Variants in PGS1 observed in about 807,000 individuals in gnomAD.
The protein encoded by PGS1 is phosphatidylglycerophosphate synthase 1.
In PGS1, 44 loss-of-function variants were observed where a neutral mutation model predicts 58.3. That is an observed-to-expected ratio of 0.75 (90% CI 0.59 to 0.97). The LOEUF is 0.97. Among genes scored for constraint, PGS1 ranks in the 50% least tolerant of loss-of-function variants. PGS1 has a pLI of 0.00. For missense variants in PGS1, 684 were observed against 731.1 expected, an observed-to-expected ratio of 0.94 and a Z score of 0.74; for synonymous variants, 330 against 311.0, an observed-to-expected ratio of 1.06 and a Z score of -0.64.
intron 6 of PGS1, among the ~76,000 whole-genome samples, chr17:78,402,835 G>C (rs1389972192): frequency 6.6e-6 from 1 of 152,084 alleles, no homozygotes; most frequent in East Asian, 1.9e-4. Flanking sequence ...TCCTGAGTTG[G>C]ATGCTTAACT....
At chr17:78,411,547 C>A in intron 7 of PGS1, among the ~76,000 whole-genome samples, 1 of 152,200 alleles carries the variant, frequency 6.6e-6, no homozygotes, top group East Asian at 1.9e-4. Context: ...GTATTTATCT[C>A]TGCCCCATGA....
intron 8 of PGS1, among the ~76,000 whole-genome samples, chr17:78,415,431 G>C (rs1340677404): frequency 2.0e-5 from 3 of 152,186 alleles, no homozygotes; most frequent in African/African-American, 4.8e-5. Context: ...AGGAGTTCAA[G>C]ACCAGCCTGG....
intron 2 of PGS1, 100 bp from the exon 3 acceptor site, chr17:78,396,208 C>G: frequency 2.4e-6 from 2 of 830,944 alleles, no homozygotes; most frequent in Non-Finnish European, 4.2e-6. Flanking sequence ...TAGGATAGTT[C>G]AGCTTGGAGT....
In PGS1 at chr17:78,378,658, G is replaced by T; in HGVS notation, c.-8G>T. The stretch of plus-strand genomic sequence containing the variant: ...CGCCGGGAGCGGAAGCGGAAGCGGC[G>T]AGTCTCCATGGCGGTGGCGGCGGCA... On this transcript the variant is annotated 5_prime_UTR_variant, in exon 1 of 10. Coordinates refer to ENST00000262764, the MANE Select transcript of PGS1 (RefSeq NM_024419.5). 1 of 1,528,874 alleles carries T rather than the reference G, an allele frequency of 6.5e-7. No individual in the cohort carries two copies. 94.7% of individuals were successfully genotyped at this position (1,528,874 alleles called of 1,614,324 possible). A position where few individuals can be genotyped will look rare whatever the true frequency, so the allele number is the denominator to read the frequency against.
At chr17:78,419,163 A>G (rs1039971742) in intron 8 of PGS1, among the ~76,000 whole-genome samples, 1 of 151,970 alleles carries the variant, frequency 6.6e-6, no homozygotes, top group African/African-American at 2.4e-5. Context: ...ACACACCACC[A>G]TACCCGGCTA....
At chr17:78,409,002 G>A (rs1289622390) in intron 7 of PGS1, among the ~76,000 whole-genome samples, 1 of 152,252 alleles carries the variant, frequency 6.6e-6, no homozygotes, top group African/African-American at 2.4e-5. Flanking sequence ...CGTTGAAAGT[G>A]TGGTATCTGC....
intron 8 of PGS1, among the ~76,000 whole-genome samples, chr17:78,418,638 A>G (rs1156291647): frequency 1.3e-5 from 2 of 152,188 alleles, no homozygotes; most frequent in Non-Finnish European, 2.9e-5. Context: ...AAATATTGTG[A>G]TAAATATCTG....
intron 7 of PGS1, among the ~76,000 whole-genome samples, chr17:78,409,872 A>T (rs1431167684): frequency 6.6e-6 from 1 of 152,228 alleles, no homozygotes; most frequent in Non-Finnish European, 1.5e-5. Flanking sequence ...GCACTTTGGG[A>T]GGCCAAGGTA....
intron 7 of PGS1, among the ~76,000 whole-genome samples, chr17:78,408,694 C>T (rs568959650): frequency 4.0e-4 from 61 of 152,270 alleles, no homozygotes; most frequent in African/African-American, 1.2e-3. Context: ...GCTGCCAGGC[C>T]GCTTCACCTG....
At chr17:78,417,316 A>G (rs2146329800) in intron 8 of PGS1, among the ~76,000 whole-genome samples, 1 of 152,326 alleles carries the variant, frequency 6.6e-6, no homozygotes, top group South Asian at 2.1e-4. Context: ...CCCTGAGACC[A>G]GAGCTGGCTC....
At chr17:78,387,790 G>T (rs965236899) in intron 1 of PGS1, among the ~76,000 whole-genome samples, 1 of 151,738 alleles carries the variant, frequency 6.6e-6, no homozygotes, top group Non-Finnish European at 1.5e-5. Flanking sequence ...TAGAGAGGGG[G>T]TTTCTCTATG....
At position 78,419,534 on chromosome 17, in the gene PGS1, C is replaced by T. The variant is rs758362164; in HGVS notation, c.1552-12C>T. On this transcript the variant is annotated splice_polypyrimidine_tract_variant and intron_variant, in intron 8 of 9. Coordinates refer to ENST00000262764, the MANE Select transcript of PGS1 (RefSeq NM_024419.5). ...GGACTCCTCACTATTCCTGTCTGTT[C>T]CTCTTCCTCAGGAGCAAGAGCAGCT... 12 of 1,611,632 alleles carry T rather than the reference C, an allele frequency of 7.4e-6. No homozygotes were observed. The highest frequency in any genetic ancestry group is 3.3e-5 in the Admixed American group (2 of 59,984).
intron 9 of PGS1, among the ~76,000 whole-genome samples, chr17:78,422,506 T>A (rs2085933281): frequency 6.6e-6 from 1 of 152,122 alleles, no homozygotes; most frequent in South Asian, 2.1e-4. Context: ...TTTGCCTTTT[T>A]TCCCCCTTTT....
intron 6 of PGS1, among the ~76,000 whole-genome samples, chr17:78,403,218 G>T (rs374019281): frequency 6.6e-6 from 1 of 150,526 alleles, no homozygotes; most frequent in Non-Finnish European, 1.5e-5. Context: ...GAGGCCCCCC[G>T]TATGTCCCCC....
At position 78,415,003 on chromosome 17, in the gene PGS1, G is replaced by A. The variant is rs1227598225; in HGVS notation, c.1527G>A (p.Gln509=). Residue 509 remains glutamine, a synonymous_variant, in exon 8 of 10, where the codon CAG becomes CAA. Transcript: ENST00000262764. ...AGATTGCGATCGTGACGGAGAACCAGGCCCTGCAGCAGCAGCTTCACCAGG... is the reference window on the plus strand; with the variant it reads ...AGATTGCGATCGTGACGGAGAACCAAGCCCTGCAGCAGCAGCTTCACCAGG... ...EAQIAIVTEN[Q]ALQQQLHQEQ... 6.2e-7 allele frequency: 1 copy of A among 1,613,276 alleles called. No individual in the cohort carries two copies. Among genetic ancestry groups the A allele is most frequent in the Non-Finnish European group, 8.5e-7 (1 of 1,180,034 alleles).
chr17:78,398,367 G>A lies in PGS1; in HGVS notation c.511+16G>A, dbSNP rs2083402945. On this transcript the variant is annotated intron_variant, in intron 4 of 9. Transcript: ENST00000262764. ...GGCTCACGAGGTAGGTGGCATGCAA[G>A]CCTGGCCCCTCCTGCTTCCTGTGTC... 6.5e-7 allele frequency: 1 copy of A among 1,543,496 alleles called. No homozygotes were observed. The highest frequency in any genetic ancestry group is 1.4e-5 in the African/African-American group (1 of 73,612).
intron 4 of PGS1, 45 bp from the exon 5 acceptor site, chr17:78,399,303 C>G: frequency 2.0e-6 from 3 of 1,516,832 alleles, no homozygotes; most frequent in Non-Finnish European, 2.7e-6. Flanking sequence ...GGGCAGGACG[C>G]CTTCCTGTTG....
At chr17:78,405,749 G>T (rs1474811012) in intron 7 of PGS1, among the ~76,000 whole-genome samples, 2 of 152,174 alleles carry the variant, frequency 1.3e-5, no homozygotes, top group African/African-American at 4.8e-5. Flanking sequence ...GTGCCTGGAG[G>T]CCCCTGTGCC....
intron 9 of PGS1, chr17:78,420,792 CCCTT>C (rs2085659900): frequency 6.6e-6 from 1 of 152,230 alleles, no homozygotes; most frequent in African/African-American, 2.4e-5. Flanking sequence ...TTCCTGCCCT[CCCTT>C]CCCCCAGGCA....
Sources: gnomAD v4.1 joint callset for allele counts (sites outside exome capture counted in the v4.1 genomes callset) on GRCh38, gnomAD v4.1.1 for gene constraint, MANE v1.5 for transcripts, NCBI Gene and HGNC (gene_info 2026-07-23, HGNC 2026-07-21) for gene names.